Variants in SKIC2 observed in about 807,000 individuals in gnomAD.
SKIC2 encodes superkiller complex protein 2.
the SKIC2 span, chr6:31,966,102 CTTT>C: frequency 4.0e-6 from 3 of 746,352 alleles, no homozygotes; most frequent in African/African-American, 1.8e-5. This position sits in a 1 kb window ranked among gnomAD's most constrained non-coding sequence, Gnocchi z 5.9. Context: ...TTTCTTCTTC[CTTT>C]TTTTTTTGGA....
chr6:31,962,041 A>G, the SKIC2 span: 1 of 1,613,028 alleles, frequency 6.2e-7, no homozygotes, highest in Non-Finnish European at 8.5e-7. The surrounding 1 kb of genome is among the most constrained non-coding windows in gnomAD (Gnocchi z 5.0). Flanking sequence ...CCTGGCCCAG[A>G]AACACATGAC....
At chr6:31,959,991 C>T in the SKIC2 span, 2 of 1,562,308 alleles carry the variant, frequency 1.3e-6, no homozygotes, top group Non-Finnish European at 1.8e-6. Context: ...TAATGCCTCT[C>T]ATCTTGCCCT....
chr6:31,968,508 G>C, the SKIC2 span: 2 of 1,612,954 alleles, frequency 1.2e-6, no homozygotes, highest in Non-Finnish European at 1.7e-6. This position sits in a 1 kb window ranked among gnomAD's most constrained non-coding sequence, Gnocchi z 6.1. Flanking sequence ...AGGGGGCTCA[G>C]TGTGTACACA....
chr6:31,960,831 T>A, the SKIC2 span: 1 of 1,044,942 alleles, frequency 9.6e-7, no homozygotes, highest in Non-Finnish European at 1.4e-6. Flanking sequence ...TTGAGAAAAT[T>A]AGAAAAAGAT....
At chr6:31,964,029 C>T in the SKIC2 span, 3 of 1,612,722 alleles carry the variant, frequency 1.9e-6, no homozygotes, top group Non-Finnish European at 2.5e-6. This position sits in a 1 kb window ranked among gnomAD's most constrained non-coding sequence, Gnocchi z 5.0. Context: ...GCCTCACCTC[C>T]CTTGACCTCA....
chr6:31,961,530 AC>A, the SKIC2 span: 1 of 1,584,540 alleles, frequency 6.3e-7, no homozygotes, highest in Non-Finnish European at 8.6e-7. Context: ...TATCACTGCT[AC>A]CCCTGACTCT....
the SKIC2 span, chr6:31,967,005 C>A: frequency 1.2e-6 from 2 of 1,612,994 alleles, no homozygotes; most frequent in South Asian, 2.2e-5. This position sits in a 1 kb window ranked among gnomAD's most constrained non-coding sequence, Gnocchi z 4.9. Context: ...CCACCCAAGG[C>A]CCATGAACAG....
chr6:31,968,557 A>G, the SKIC2 span: 1 of 1,603,042 alleles, frequency 6.2e-7, no homozygotes, highest in South Asian at 1.1e-5. This position sits in a 1 kb window ranked among gnomAD's most constrained non-coding sequence, Gnocchi z 6.1. Context: ...CTGGGTGGTA[A>G]CTCCCAAGCT....
chr6:31,968,925 C>T, the SKIC2 span: 8 of 1,612,814 alleles, frequency 5.0e-6, no homozygotes, highest in Middle Eastern at 1.6e-4. The surrounding 1 kb of genome is among the most constrained non-coding windows in gnomAD (Gnocchi z 6.1). Flanking sequence ...GCTGGCAGGG[C>T]GGGTGGCTTG....
chr6:31,961,974 C>G, the SKIC2 span: 1 of 1,612,964 alleles, frequency 6.2e-7, no homozygotes, highest in Non-Finnish European at 8.5e-7. Context: ...ATGACTCTGT[C>G]TTTGTCGCAG....
At chr6:31,965,721 C>T in the SKIC2 span, 1 of 1,015,956 alleles carries the variant, frequency 9.8e-7, no homozygotes, top group South Asian at 1.4e-5. The surrounding 1 kb of genome is among the most constrained non-coding windows in gnomAD (Gnocchi z 5.6). Flanking sequence ...TGGGCTTGGC[C>T]AGGGCTGGGG....
At chr6:31,966,746 C>A in the SKIC2 span, 1 of 1,614,140 alleles carries the variant, frequency 6.2e-7, no homozygotes, top group Non-Finnish European at 8.5e-7. The surrounding 1 kb of genome is among the most constrained non-coding windows in gnomAD (Gnocchi z 5.9). Context: ...TTCCGCCTCA[C>A]GTACACTATG....
the SKIC2 span, chr6:31,960,898 T>C: frequency 1.0e-3 from 880 of 866,324 alleles, 12 homozygotes; most frequent in South Asian, 0.012. Flanking sequence ...CAACAACCTT[T>C]ACTGTCATCT....
chr6:31,967,715 G>C, the SKIC2 span: 1 of 1,612,716 alleles, frequency 6.2e-7, no homozygotes, highest in Non-Finnish European at 8.5e-7. This position sits in a 1 kb window ranked among gnomAD's most constrained non-coding sequence, Gnocchi z 4.9. Context: ...CCACCCCCAG[G>C]TCTCCTCGAA....
At chr6:31,963,719 G>T in the SKIC2 span, 3 of 1,547,062 alleles carry the variant, frequency 1.9e-6, no homozygotes, top group Non-Finnish European at 2.6e-6. This position sits in a 1 kb window ranked among gnomAD's most constrained non-coding sequence, Gnocchi z 5.3. Context: ...CACACATCAG[G>T]GGGGCCCTGC....
the SKIC2 span, chr6:31,968,645 G>C: frequency 6.4e-7 from 1 of 1,574,608 alleles, no homozygotes; most frequent in Non-Finnish European, 8.7e-7. The surrounding 1 kb of genome is among the most constrained non-coding windows in gnomAD (Gnocchi z 6.1). Context: ...GTGCACCCCT[G>C]CTAAGGGGCA....
chr6:31,959,966 T>C, the SKIC2 span: 1 of 1,358,726 alleles, frequency 7.4e-7, no homozygotes, highest in South Asian at 1.2e-5. Context: ...CTGCATTTTA[T>C]CCTCTTTCCT....
At chr6:31,962,750 C>T in the SKIC2 span, 3 of 1,612,816 alleles carry the variant, frequency 1.9e-6, no homozygotes, top group Non-Finnish European at 1.7e-6. The surrounding 1 kb of genome is among the most constrained non-coding windows in gnomAD (Gnocchi z 5.0). Flanking sequence ...TTATTCGGGA[C>T]CTGGAGTGGG....
the SKIC2 span, chr6:31,969,318 T>G: frequency 1.2e-6 from 2 of 1,614,142 alleles, no homozygotes; most frequent in Non-Finnish European, 1.7e-6. This position sits in a 1 kb window ranked among gnomAD's most constrained non-coding sequence, Gnocchi z 6.1. Context: ...AGCGGATTGG[T>G]GAGGTCCAGG....
Sources: allele counts gnomAD v4.1 joint callset, GRCh38; gene constraint gnomAD v4.1.1; non-coding constraint Gnocchi (gnomAD v3.1); transcripts MANE v1.5; gene names NCBI Gene and HGNC (gene_info 2026-07-23, HGNC 2026-07-21).